Variants in PTPRD observed in about 807,000 individuals in gnomAD.
The protein encoded by PTPRD is receptor-type tyrosine-protein phosphatase delta.
In PTPRD, 34 loss-of-function variants were observed where a neutral mutation model predicts 214.5. The ratio of observed to expected loss-of-function variants is 0.16; its 90% CI spans 0.12 to 0.21. The LOEUF (loss-of-function observed/expected upper bound fraction) is 0.21. PTPRD is among the 10% of genes least tolerant of loss of function. PTPRD has a pLI of 1.00. For missense variants in PTPRD, 2,545 were observed against 2,398.7 expected (o/e 1.06, Z -1.27); for synonymous variants, 1,128 against 845.7 (o/e 1.33, Z -5.79).
intron 11 of PTPRD, among the ~76,000 whole-genome samples, chr9:8,839,928 A>T (rs2097526258): frequency 6.6e-6 from 1 of 152,224 alleles, no homozygotes; most frequent in Non-Finnish European, 1.5e-5. Flanking sequence ...TGAATAGCAA[A>T]TTCACCATAC....
intron 5 of PTPRD, among the ~76,000 whole-genome samples, chr9:9,864,554 T>A (rs1183843261): frequency 1.3e-5 from 2 of 152,146 alleles, no homozygotes; most frequent in Non-Finnish European, 2.9e-5. Context: ...GGTCTCACTC[T>A]GTTACCCTGA....
intron 2 of PTPRD, among the ~76,000 whole-genome samples, chr9:10,449,407 C>T (rs1310001152): frequency 1.3e-5 from 2 of 151,832 alleles, no homozygotes; most frequent in Admixed American, 6.5e-5. Context: ...ACCTCCCAGC[C>T]GCCTGCCTTG....
intron 22 of PTPRD, among the ~76,000 whole-genome samples, chr9:8,505,730 A>T (rs140514505): frequency 2.8e-4 from 42 of 152,238 alleles, no homozygotes; most frequent in African/African-American, 9.6e-4. Flanking sequence ...AAAAGTTTTC[A>T]GGAATTTTAG....
chr9:9,974,859 G>A (rs2095293147), intron 4 of PTPRD, among the ~76,000 whole-genome samples: 1 of 152,138 alleles, frequency 6.6e-6, no homozygotes, highest in African/African-American at 2.4e-5. Flanking sequence ...CAGTGAGTGA[G>A]AACTTGCTGA....
At chr9:9,457,840 A>G (rs1309989508) in intron 8 of PTPRD, among the ~76,000 whole-genome samples, 2 of 151,974 alleles carry the variant, frequency 1.3e-5, no homozygotes, top group Non-Finnish European at 2.9e-5. Context: ...ACCCCAGGGC[A>G]TTTTTTCCCC....
chr9:8,624,895 A>G (rs181306913), intron 14 of PTPRD, among the ~76,000 whole-genome samples: 1 of 151,948 alleles, frequency 6.6e-6, no homozygotes, highest in Admixed American at 6.6e-5. Context: ...AGGCCACTGA[A>G]ATAATGACTA....
At chr9:8,385,284 T>C (rs1218725687) in intron 37 of PTPRD, among the ~76,000 whole-genome samples, 1 of 152,098 alleles carries the variant, frequency 6.6e-6, no homozygotes, top group Non-Finnish European at 1.5e-5. Flanking sequence ...CCAAACACTT[T>C]GGGGGGCCAA....
chr9:9,042,727 C>A (rs73430149), intron 10 of PTPRD, among the ~76,000 whole-genome samples: 5 of 150,254 alleles, frequency 3.3e-5, no homozygotes, highest in African/African-American at 1.2e-4. Context: ...TTTCTACTGA[C>A]CATATTCTAA....
chr9:9,427,936 C>T (rs913167187), intron 8 of PTPRD, among the ~76,000 whole-genome samples: 9 of 152,184 alleles, frequency 5.9e-5, no homozygotes, highest in African/African-American at 1.9e-4. Context: ...AAGGAACAAC[C>T]GTTACCAGCC....
At chr9:9,652,821 A>T (rs113654217) in intron 7 of PTPRD, among the ~76,000 whole-genome samples, 55,074 of 151,246 alleles carry the variant, frequency 0.36, 10,872 homozygotes, top group African/African-American at 0.5. Context: ...ACCATATTAG[A>T]CAGGCTGCTC....
intron 2 of PTPRD, among the ~76,000 whole-genome samples, chr9:10,475,650 T>G (rs2099057904): frequency 6.6e-6 from 1 of 151,934 alleles, no homozygotes; most frequent in Non-Finnish European, 1.5e-5. Context: ...TCATCCTGAT[T>G]CCAAAACCTG....
At chr9:9,945,199 T>C (rs1166953883) in intron 4 of PTPRD, among the ~76,000 whole-genome samples, 1 of 152,116 alleles carries the variant, frequency 6.6e-6, no homozygotes, top group South Asian at 2.1e-4. Context: ...CGTGGAAGTG[T>C]CAGTTGTAAG....
chr9:10,246,964 A>C (rs10809048), intron 3 of PTPRD, among the ~76,000 whole-genome samples: 1 of 151,662 alleles, frequency 6.6e-6, no homozygotes, highest in African/African-American at 2.4e-5. Flanking sequence ...AAATGTCTTA[A>C]GGCAGTTAAT....
intron 12 of PTPRD, among the ~76,000 whole-genome samples, chr9:8,722,964 T>C (rs190889621): frequency 7.4e-4 from 113 of 152,342 alleles, no homozygotes; most frequent in African/African-American, 2.5e-3. Context: ...GGAGGTTGTA[T>C]CAAACCTTCA....
chr9:9,913,373 C>A (rs10978082), intron 5 of PTPRD, among the ~76,000 whole-genome samples: 36,160 of 151,654 alleles, frequency 0.24, 5,304 homozygotes, highest in African/African-American at 0.42. Context: ...TTGCAGGAGG[C>A]ATAAAAGTGC....
chr9:8,667,919 C>G (rs531713288), intron 12 of PTPRD, among the ~76,000 whole-genome samples: 123 of 152,096 alleles, frequency 8.1e-4, no homozygotes, highest in African/African-American at 2.9e-3. Flanking sequence ...CTCTCTGAGC[C>G]TATTCTGGCT....
intron 2 of PTPRD, among the ~76,000 whole-genome samples, chr9:10,454,238 C>A (rs1488607541): frequency 6.6e-6 from 1 of 151,532 alleles, no homozygotes; most frequent in Non-Finnish European, 1.5e-5. Context: ...CCACATATTT[C>A]CTTGCTTTCC....
At chr9:8,866,180 G>T (rs983284259) in intron 11 of PTPRD, among the ~76,000 whole-genome samples, 1 of 152,144 alleles carries the variant, frequency 6.6e-6, no homozygotes, top group South Asian at 2.1e-4. Context: ...GTCTTGGAGA[G>T]ATTTAAAAGG....
intron 9 of PTPRD, among the ~76,000 whole-genome samples, chr9:9,294,300 T>G (rs1047773516): frequency 6.6e-6 from 1 of 151,758 alleles, no homozygotes; most frequent in African/African-American, 2.4e-5. Context: ...TGAGGAGTAC[T>G]GTACACTAAC....
Sources: gnomAD v4.1 joint callset for allele counts (sites outside exome capture counted in the v4.1 genomes callset) on GRCh38, gnomAD v4.1.1 for gene constraint, MANE v1.5 for transcripts, NCBI Gene and HGNC (gene_info 2026-07-23, HGNC 2026-07-21) for gene names.